The following ZNF730 variants were observed in gnomAD, a reference collection of about 807,000 sequenced individuals.
ZNF730 encodes zinc finger protein 730, also known as putative zinc finger protein 730.
Under a neutral mutation model 12.6 loss-of-function variants are expected in ZNF730, and 12 were observed. That is an observed-to-expected ratio of 0.95 (90% CI 0.61 to 1.54). The LOEUF is 1.54. Among genes scored for constraint, ZNF730 ranks in the 40% most tolerant of loss-of-function variants. The pLI, the probability that ZNF730 is intolerant of heterozygous loss-of-function variation, is 0.00. For synonymous variants in ZNF730, 194 were observed against 195.8 expected, an observed-to-expected ratio of 0.99 and a Z score of 0.08; for missense variants, 643 against 583.5, an observed-to-expected ratio of 1.10 and a Z score of -1.05.
At chr19:23,128,628 C>T (rs1568313534) in intron 1 of ZNF730, 1 of 168,004 alleles carries the variant, frequency 6.0e-6, no homozygotes, top group East Asian at 1.7e-4. Context: ...AATTTATAAG[C>T]AGCAAAGCAT....
At chr19:23,116,831 G>T, upstream of ZNF730, 1 of 458,178 alleles carries the variant, frequency 2.2e-6, no homozygotes. Context: ...TCTCAGTTCA[G>T]GGAGGAAGTC....
upstream of ZNF730, among the ~76,000 whole-genome samples, chr19:23,115,090 G>A (rs1320809205): frequency 6.6e-6 from 1 of 151,264 alleles, no homozygotes; most frequent in Non-Finnish European, 1.5e-5. Context: ...GCAATTTCTT[G>A]ACAGGATTAT....
In ZNF730 at chr19:23,145,255, T is replaced by G; in HGVS notation, c.227-16T>G. ...GTCTAGTACATGCAGTAATTTGTTA[T>G]TTTTATTTCTTTCAGTTATATGTTC... is the stretch of plus-strand genomic sequence containing the variant. On this transcript the variant is annotated splice_polypyrimidine_tract_variant and intron_variant, in intron 3 of 3. Transcript: ENST00000597761. 6.8e-7 allele frequency: 1 copy of G among 1,466,436 alleles called. No individual in the cohort carries two copies. Among genetic ancestry groups the G allele is most frequent in the Non-Finnish European group, 9.0e-7 (1 of 1,109,728 alleles). 90.8% of individuals were successfully genotyped at this position (1,466,436 alleles called of 1,614,324 possible).
At chr19:23,134,476 G>A (rs1478147204) in intron 2 of ZNF730, among the ~76,000 whole-genome samples, 2 of 147,436 alleles carry the variant, frequency 1.4e-5, no homozygotes, top group African/African-American at 2.5e-5. Context: ...AGGGAGGTGG[G>A]GGGGCCAGCC....
chr19:23,085,817 T>G (rs989762555), intron 1 of ZNF730, among the ~76,000 whole-genome samples: 3 of 144,418 alleles, frequency 2.1e-5, no homozygotes, highest in African/African-American at 7.7e-5. Flanking sequence ...CCCAGACCTA[T>G]TTCACCCAAT....
At chr19:23,077,275 C>T (rs1424778771) in intron 1 of ZNF730, among the ~76,000 whole-genome samples, 1 of 152,024 alleles carries the variant, frequency 6.6e-6, no homozygotes, top group Non-Finnish European at 1.5e-5. Flanking sequence ...ACCCCCATAA[C>T]ACACCTATGT....
rs556123915 is a variant in ZNF730 at position 23,085,836 on chromosome 19, C to CTTTTT, written c.-94+10472_-94+10476dup. On this transcript the variant is annotated intron_variant, in intron 1 of 2. Transcript: ENST00000593635. ...GACCTATTTCACCCAATTTTTTTTT[C>CTTTTT]TTTTTTTTTTTTTTTTTTTTTTTTT... Among the ~76,000 whole-genome samples the CTTTTT allele has an allele frequency of 9.1e-3, 499 of 54,882 alleles. 83 individuals are homozygous for CTTTTT. The highest frequency in any genetic ancestry group is 0.012 in the Non-Finnish European group (368 of 30,284). 36.0% of individuals were successfully genotyped at this position (54,882 alleles called of 152,430 possible).
Position 23,146,279 on chromosome 19 carries a change from C to T in ZNF730, c.1235C>T (p.Thr412Ile), listed in dbSNP as rs140123624. Residue 412 changes from threonine to isoleucine, a missense_variant, in exon 4 of 4, where the codon ACT (threonine) becomes ATT (isoleucine). Transcript: ENST00000597761. ...GKAFSRISHL[T>I]THKRIHTGEK... ...GCCTTTAGCCGTATCTCACACCTTA[C>T]TACACATAAGAGAATTCATACTGGA... The T allele has an allele frequency of 0.028, 45,805 of 1,613,624 alleles. 795 individuals carry two copies. Among genetic ancestry groups the T allele is most frequent in the Non-Finnish European group, 0.032 (37,847 of 1,179,722 alleles).
chr19:23,094,833 A>G (rs771038218), intron 1 of ZNF730, among the ~76,000 whole-genome samples: 3 of 151,420 alleles, frequency 2.0e-5, no homozygotes, highest in Non-Finnish European at 2.9e-5. Flanking sequence ...GGTTATATAT[A>G]TTACTCTTTT....
intron 1 of ZNF730, among the ~76,000 whole-genome samples, chr19:23,082,712 T>C (rs1298105231): frequency 1.3e-5 from 2 of 152,114 alleles, no homozygotes; most frequent in Non-Finnish European, 2.9e-5. Context: ...TTTTTCATTT[T>C]TTTTTTGAGA....
At chr19:23,094,542 C>T (rs1367408302) in intron 1 of ZNF730, among the ~76,000 whole-genome samples, 1 of 152,050 alleles carries the variant, frequency 6.6e-6, no homozygotes, top group Non-Finnish European at 1.5e-5. Context: ...GGCACCATCT[C>T]CAGTCACTGC....
In ZNF730 at chr19:23,107,915, A is replaced by G. The variant is rs911076647; in HGVS notation, c.-93-26165A>G. 4.6e-5 allele frequency among the ~76,000 whole-genome samples: 7 copies of G among 151,898 alleles called. No homozygotes were observed. The South Asian group carries it at 1.2e-3, about 27-fold the overall frequency. ...ATGTTTTTTATTTTAAGAGAATGCAATTTTTTTGTTGTTGTTGTTTGTTTT... is the reference window on the plus strand; with the variant it reads ...ATGTTTTTTATTTTAAGAGAATGCAGTTTTTTTGTTGTTGTTGTTTGTTTT... On this transcript the variant is annotated intron_variant, in intron 1 of 2. Transcript: ENST00000593635.
chr19:23,134,484 GC>G (rs1204534682), intron 2 of ZNF730, among the ~76,000 whole-genome samples: 4 of 146,690 alleles, frequency 2.7e-5, no homozygotes, highest in Admixed American at 2.0e-4. Flanking sequence ...GGGGGGGCCA[GC>G]CCCCCGCCCG....
In ZNF730 at chr19:23,110,505, T is replaced by C. The variant is rs945949832; in HGVS notation, c.-93-23575T>C. 2.7e-5 allele frequency among the ~76,000 whole-genome samples: 4 copies of C among 147,534 alleles called. No homozygotes were observed. In the Admixed American group the frequency reaches 2.7e-4, roughly 10 times the overall value. ...TTGATCAGGCTGGATGGTCTCGAAC[T>C]TCTGACCTTGGGTGATCCACCCGCC... On this transcript the variant is annotated intron_variant, in intron 1 of 2. Coordinates refer to the ZNF730 transcript ENST00000593635.
chr19:23,078,556 C>T (rs1969907643), intron 1 of ZNF730, among the ~76,000 whole-genome samples: 1 of 152,072 alleles, frequency 6.6e-6, no homozygotes, highest in Non-Finnish European at 1.5e-5. Context: ...CTGGAACATC[C>T]CCCTCTCTTG....
intron 1 of ZNF730, chr19:23,127,485 T>G (rs1211773185): frequency 1.9e-5 from 20 of 1,049,182 alleles, no homozygotes; most frequent in African/African-American, 3.1e-5. Context: ...ACTTTTTCCC[T>G]TGAAGCATCA....
chr19:23,141,157 C>T (rs752508002), intron 3 of ZNF730, among the ~76,000 whole-genome samples: 13 of 151,848 alleles, frequency 8.6e-5, no homozygotes, highest in Non-Finnish European at 1.3e-4. Flanking sequence ...CACTTTGGGA[C>T]GCCGAGGTGG....
chr19:23,096,449 T>C (rs1394892479), intron 1 of ZNF730, among the ~76,000 whole-genome samples: 1 of 152,124 alleles, frequency 6.6e-6, no homozygotes, highest in Non-Finnish European at 1.5e-5. Context: ...ATCACCTAGG[T>C]GGTGTGACAC....
At chr19:23,121,589 C>T (rs182836854) in intron 1 of ZNF730, among the ~76,000 whole-genome samples, 2 of 152,320 alleles carry the variant, frequency 1.3e-5, no homozygotes, top group Admixed American at 6.5e-5. Context: ...ATCCACCTGC[C>T]TCAGCCTCCC....
Sources: allele counts gnomAD v4.1 joint callset (sites outside exome capture counted in the v4.1 genomes callset), GRCh38; gene constraint gnomAD v4.1.1; transcripts MANE v1.5; gene names NCBI Gene and HGNC (gene_info 2026-07-23, HGNC 2026-07-21).